CSMD1: variants seen among roughly 807,000 people sequenced by gnomAD.
CSMD1 encodes the protein CUB and Sushi multiple domains 1.
Under a neutral mutation model 417.5 loss-of-function variants are expected in CSMD1, and 213 were observed. That is an observed-to-expected ratio of 0.51 (90% CI 0.46 to 0.57). The LOEUF is 0.57. CSMD1 is among the 20% of genes least tolerant of loss of function. The probability of loss-of-function intolerance (pLI) is 0.00; values close to 1 mark genes in which losing one functional copy is unlikely to be tolerated. For missense variants in CSMD1, 6,923 were observed against 4,529.7 expected, an observed-to-expected ratio of 1.53 and a Z score of -15.17; for synonymous variants, 2,862 against 1,736.8, an observed-to-expected ratio of 1.65 and a Z score of -16.11.
intron 7 of CSMD1, among the ~76,000 whole-genome samples, chr8:3,661,496 T>A (rs1309268641): frequency 6.9e-6 from 1 of 144,778 alleles, no homozygotes; most frequent in Non-Finnish European, 1.5e-5. Flanking sequence ...TCAATTAAAC[T>A]GATTTTTTTT....
In CSMD1 at chr8:3,246,293, A is replaced by T. The variant is rs11992909; in HGVS notation, c.4154-16062T>A. 2.4e-3 allele frequency among the ~76,000 whole-genome samples: 370 copies of T among 151,954 alleles called. 1 individual carries two copies. Among genetic ancestry groups the T allele is most frequent in the African/African-American group, 8.0e-3 (331 of 41,412 alleles). On this transcript the variant is annotated intron_variant, in intron 26 of 69. Transcript: ENST00000635120. ...TCCATGATCTCATTCCTCACATGGG[A>T]CTTCTCACTGGCTACACGGTTCCCT...
At chr8:3,326,840 A>G (rs561074428) in intron 23 of CSMD1, among the ~76,000 whole-genome samples, 2 of 152,336 alleles carry the variant, frequency 1.3e-5, no homozygotes, top group East Asian at 1.9e-4. Context: ...ATGCCTTTTC[A>G]GGATTCTTAC....
intron 23 of CSMD1, among the ~76,000 whole-genome samples, chr8:3,341,095 A>G (rs547384523): frequency 3.1e-4 from 47 of 152,342 alleles, no homozygotes; most frequent in African/African-American, 1.1e-3. Context: ...AAAACTTCCT[A>G]AAGTGATGCT....
At position 3,889,582 on chromosome 8, in the gene CSMD1, T is replaced by C. The variant is rs1031841420; in HGVS notation, c.818+108321A>G. ...GTCTGTGTGTGTGTATGTGTATGTA[T>C]ACATATATGCTCATTAGGTCATAAG... is the stretch of plus-strand genomic sequence containing the variant. On this transcript the variant is annotated intron_variant, in intron 5 of 69. Coordinates refer to ENST00000635120, the MANE Select transcript of CSMD1 (RefSeq NM_033225.6). Among the ~76,000 whole-genome samples the C allele has an allele frequency of 6.0e-5, 9 of 149,056 alleles. 1 individual carries two copies. Among genetic ancestry groups the C allele is most frequent in the East Asian group, 2.0e-4 (1 of 5,018 alleles).
chr8:4,905,648 T>A (rs924957740), intron 1 of CSMD1, among the ~76,000 whole-genome samples: 1 of 151,404 alleles, frequency 6.6e-6, no homozygotes, highest in African/African-American at 2.4e-5. Flanking sequence ...TGAAACCCCG[T>A]CTCTACTAAA....
chr8:4,055,364 G>C (rs955740811), intron 3 of CSMD1, among the ~76,000 whole-genome samples: 2 of 151,594 alleles, frequency 1.3e-5, no homozygotes, highest in Admixed American at 1.3e-4. Flanking sequence ...TATAATTATT[G>C]TAAATTTCAC....
intron 2 of CSMD1, among the ~76,000 whole-genome samples, chr8:4,598,258 T>G (rs1800386195): frequency 6.6e-6 from 1 of 152,200 alleles, no homozygotes; most frequent in South Asian, 2.1e-4. Flanking sequence ...CACACTCACC[T>G]TGCTCAAACA....
chr8:3,005,048 G>A (rs1033921873), intron 52 of CSMD1, among the ~76,000 whole-genome samples: 3 of 152,084 alleles, frequency 2.0e-5, no homozygotes, highest in African/African-American at 7.2e-5. Flanking sequence ...CTGAGGCAGA[G>A]GAATTGCTTG....
chr8:4,539,717 T>C (rs1421281427), intron 2 of CSMD1, among the ~76,000 whole-genome samples: 1 of 152,240 alleles, frequency 6.6e-6, no homozygotes, highest in Non-Finnish European at 1.5e-5. Context: ...TATCCTTGAA[T>C]TATTGTGATT....
Position 4,616,197 on chromosome 8 carries a change from T to A in CSMD1, c.302+21145A>T, listed in dbSNP as rs73659172. ...AACTTCAAAAATACCTAGTTTTCTTTTTTGAAGTTCCGCACTTTACTTAGG... is the reference window on the plus strand; with the variant it reads ...AACTTCAAAAATACCTAGTTTTCTTATTTGAAGTTCCGCACTTTACTTAGG... On this transcript the variant is annotated intron_variant, in intron 2 of 69. Transcript: ENST00000635120. 9.6e-3 allele frequency among the ~76,000 whole-genome samples: 1,460 copies of A among 152,312 alleles called. 23 individuals are homozygous for A. The highest frequency in any genetic ancestry group is 0.033 in the African/African-American group (1,390 of 41,562).
chr8:4,727,953 T>C (rs955293287), intron 1 of CSMD1, among the ~76,000 whole-genome samples: 1 of 68,456 alleles, frequency 1.5e-5, no homozygotes, highest in African/African-American at 7.0e-5. Context: ...AATATATATA[T>C]GTATATATAT....
intron 5 of CSMD1, among the ~76,000 whole-genome samples, chr8:3,757,741 C>T (rs191840932): frequency 4.6e-5 from 7 of 151,790 alleles, no homozygotes; most frequent in Admixed American, 1.3e-4. Context: ...CCTAGATAAT[C>T]GGGAGGCTGA....
At chr8:4,125,028 G>A (rs1486926812) in intron 3 of CSMD1, among the ~76,000 whole-genome samples, 1 of 151,972 alleles carries the variant, frequency 6.6e-6, no homozygotes, top group Non-Finnish European at 1.5e-5. Flanking sequence ...ACACTCTTGG[G>A]GTCCGCACGT....
chr8:4,452,905 T>C (rs1467473872), intron 2 of CSMD1, among the ~76,000 whole-genome samples: 1 of 152,206 alleles, frequency 6.6e-6, no homozygotes, highest in Non-Finnish European at 1.5e-5. Flanking sequence ...GAAGCAACGA[T>C]GGGCACAGTG....
chr8:3,407,911 T>G lies in CSMD1; in HGVS notation c.2059A>C (p.Ile687Leu). ...TGGGCGTACTTACTGGTGTAAGTGA[T>G]GTTGAACCCTCTGCCAGTAGTGGAA... Reference protein sequence around the residue: ...DHSTTGRGFNITYTTFGQNEC... With the variant: ...DHSTTGRGFNLTYTTFGQNEC... Residue 687 changes from isoleucine (I) to leucine (L), a missense_variant, in exon 14 of 70, where the codon ATC becomes CTC. By Grantham distance (5) the Ile-to-Leu change is conservative. Coordinates refer to ENST00000635120, the MANE Select transcript of CSMD1 (RefSeq NM_033225.6). 1 of 1,609,822 alleles carries G rather than the reference T, an allele frequency of 6.2e-7. No individual in the cohort carries two copies. The highest frequency in any genetic ancestry group is 8.5e-7 in the Non-Finnish European group (1 of 1,177,032).
intron 41 of CSMD1, among the ~76,000 whole-genome samples, chr8:3,121,807 C>A (rs147307006): frequency 0.013 from 1,917 of 152,062 alleles, 18 homozygotes; most frequent in Middle Eastern, 0.031. Context: ...TCATAAAAAG[C>A]AAGCAGACAA....
intron 1 of CSMD1, among the ~76,000 whole-genome samples, chr8:4,679,769 T>C (rs1445832222): frequency 1.3e-5 from 2 of 152,196 alleles, no homozygotes; most frequent in African/African-American, 4.8e-5. Flanking sequence ...TGAAGCTTTA[T>C]GCTAAGTAAT....
intron 37 of CSMD1, among the ~76,000 whole-genome samples, chr8:3,163,773 C>T (rs1313986235): frequency 6.6e-6 from 1 of 152,260 alleles, no homozygotes; most frequent in African/African-American, 2.4e-5. Flanking sequence ...CAAGGGAAAC[C>T]CTGGGTCATC....
At chr8:3,444,814 T>A (rs1402772154) in intron 12 of CSMD1, among the ~76,000 whole-genome samples, 1 of 152,200 alleles carries the variant, frequency 6.6e-6, no homozygotes, top group African/African-American at 2.4e-5. Flanking sequence ...TATGCTTCTT[T>A]TATAGGAGAA....
Sources: gnomAD v4.1 joint callset for allele counts (sites outside exome capture counted in the v4.1 genomes callset) on GRCh38, gnomAD v4.1.1 for gene constraint, MANE v1.5 for transcripts, NCBI Gene and HGNC (gene_info 2026-07-23, HGNC 2026-07-21) for gene names.